Variants in MAP2K5 observed in about 807,000 individuals in gnomAD.
MAP2K5 encodes dual specificity mitogen-activated protein kinase kinase 5.
A neutral mutation model predicts 83.1 loss-of-function variants in MAP2K5; 49 were observed. The ratio of observed to expected loss-of-function variants is 0.59; its 90% CI spans 0.47 to 0.75. MAP2K5 has a LOEUF of 0.75. Ranked by LOEUF, MAP2K5 falls within the 30% of genes least tolerant of loss-of-function variation. The probability of loss-of-function intolerance (pLI) is 0.00; values close to 1 mark genes in which losing one functional copy is unlikely to be tolerated. For missense variants in MAP2K5, 457 were observed against 557.5 expected (o/e 0.82, Z 1.82); for synonymous variants, 202 against 191.8 (o/e 1.05, Z -0.44).
At chr15:67,704,421 C>T (rs1467967359) in intron 16 of MAP2K5, among the ~76,000 whole-genome samples, 2 of 152,242 alleles carry the variant, frequency 1.3e-5, no homozygotes, top group African/African-American at 4.8e-5. Flanking sequence ...GTAGAAAGGA[C>T]TCTTTAAATA....
At chr15:67,618,159 A>G (rs966949885) in intron 8 of MAP2K5, among the ~76,000 whole-genome samples, 17 of 152,242 alleles carry the variant, frequency 1.1e-4, no homozygotes, top group African/African-American at 4.1e-4. Context: ...TAAATAATAT[A>G]ATCAGTTGGA....
chr15:67,723,547 T>A (rs2089019309), intron 16 of MAP2K5, among the ~76,000 whole-genome samples: 1 of 152,200 alleles, frequency 6.6e-6, no homozygotes, highest in African/African-American at 2.4e-5. Flanking sequence ...TGCTAAATCT[T>A]AAGTATTTGG....
chr15:67,739,463 T>TATATATATATATA (rs1223279692), intron 17 of MAP2K5, among the ~76,000 whole-genome samples: 2 of 20,482 alleles, frequency 9.8e-5, no homozygotes, highest in Admixed American at 8.4e-4. Context: ...TATATATATA[T>TATATATATATATA]TTTTTTTTTT....
intron 8 of MAP2K5, among the ~76,000 whole-genome samples, chr15:67,610,170 A>G (rs537992293): frequency 2.6e-5 from 4 of 152,244 alleles, no homozygotes; most frequent in Non-Finnish European, 5.9e-5. Context: ...TTATTTTTGG[A>G]TGTAAGATAT....
At chr15:67,547,077 A>AACACACACACACACACAC (rs59269114) in intron 1 of MAP2K5, among the ~76,000 whole-genome samples, 2,215 of 144,152 alleles carry the variant, frequency 0.015, 44 homozygotes, top group African/African-American at 0.037. Flanking sequence ...AAAAGAAGAA[A>AACACACACACACACACAC]ACACACACAC....
At chr15:67,723,407 C>T (rs1026071178) in intron 16 of MAP2K5, among the ~76,000 whole-genome samples, 2 of 152,086 alleles carry the variant, frequency 1.3e-5, no homozygotes, top group African/African-American at 4.8e-5. Context: ...CACTAAGGAA[C>T]GTCCTGTTTT....
intron 16 of MAP2K5, among the ~76,000 whole-genome samples, chr15:67,706,713 A>G (rs2141220036): frequency 6.6e-6 from 1 of 152,316 alleles, no homozygotes; most frequent in South Asian, 2.1e-4. Context: ...TATTACCCCC[A>G]CACAACATGT....
chr15:67,552,645 CA>C lies in MAP2K5; in HGVS notation c.184+2564del. Among the ~76,000 whole-genome samples the C allele has an allele frequency of 6.6e-6, 1 of 152,140 alleles. No individual in the cohort carries two copies. Among genetic ancestry groups the C allele is most frequent in the East Asian group, 1.9e-4 (1 of 5,194 alleles). The stretch of plus-strand genomic sequence containing the variant: ...AGAAACGGGGTCTTGCTGTGTTGCT[CA>C]GGCTGGTCTTGAACTCCTGGCCTCA... On this transcript the variant is annotated intron_variant, in intron 2 of 21. Coordinates refer to ENST00000178640, the MANE Select transcript of MAP2K5 (RefSeq NM_145160.3). This position sits in a 1 kb window ranked among gnomAD's most constrained non-coding sequence, Gnocchi z 4.2.
rs1254901370 is a variant in MAP2K5, at chr15:67,569,025, AAAAAAAAC to A, written c.252+5680_252+5687del. 3.4e-4 allele frequency among the ~76,000 whole-genome samples: 52 copies of A among 151,730 alleles called. 1 individual carries two copies. The highest frequency in any genetic ancestry group is 1.2e-3 in the African/African-American group (51 of 41,276). ...CATCTCAAAAAAAAAAAAAACAAAA[AAAAAAAAC>A]AAAACTCTGTGGGCGTCTGAAGGTT... On this transcript the variant is annotated intron_variant, in intron 3 of 21. Coordinates refer to ENST00000178640, the MANE Select transcript of MAP2K5 (RefSeq NM_145160.3).
At chr15:67,696,706 A>G (rs903376700) in intron 15 of MAP2K5, among the ~76,000 whole-genome samples, 1 of 151,850 alleles carries the variant, frequency 6.6e-6, no homozygotes, top group African/African-American at 2.4e-5. Flanking sequence ...GGCCAGGCAC[A>G]GTGGCTCATG....
rs954101269 is a variant in MAP2K5, at chr15:67,802,178, A to G, written c.1243-4468A>G. 7.9e-5 allele frequency among the ~76,000 whole-genome samples: 12 copies of G among 152,208 alleles called. No homozygotes were observed. The highest frequency in any genetic ancestry group is 3.9e-4 in the Admixed American group (6 of 15,282). On this transcript the variant is annotated intron_variant, in intron 21 of 21. Coordinates refer to ENST00000178640, the MANE Select transcript of MAP2K5 (RefSeq NM_145160.3). This position sits in a 1 kb window ranked among gnomAD's most constrained non-coding sequence, Gnocchi z 5.0. ...AGCACAGTGGAACATGTGGCCAGGA[A>G]TTAGGGACGTTAGTACAGAGGCAAA...
intron 16 of MAP2K5, among the ~76,000 whole-genome samples, chr15:67,710,772 G>A (rs914696752): frequency 1.3e-5 from 2 of 152,138 alleles, no homozygotes; most frequent in Non-Finnish European, 2.9e-5. Flanking sequence ...CCAAAGTGCT[G>A]GGATTACAGG....
In MAP2K5 at chr15:67,580,886, T is replaced by C. The variant is rs184927563; in HGVS notation, c.322+63T>C. 7 of 1,112,070 alleles carry C rather than the reference T, an allele frequency of 6.3e-6. No homozygotes were observed. In the East Asian group the frequency reaches 1.2e-4, roughly 19 times the overall value. 68.9% of individuals were successfully genotyped at this position (1,112,070 alleles called of 1,614,324 possible). A position where few individuals can be genotyped will look rare whatever the true frequency, so the allele number is the denominator to read the frequency against. On this transcript the variant is annotated intron_variant, in intron 4 of 21. Transcript: ENST00000178640. ...CAGTAAACTGTTTCATCAACAGTTA[T>C]GTTTCCAAAGGTTTAAATGCACATA...
chr15:67,719,792 A>C lies in MAP2K5; in HGVS notation c.1045-8124A>C, dbSNP rs559039907. Reference sequence around the variant, plus strand: ...TCAGTGTTGCATTTTGAGCTATGCAAACATTTGAAGAACATTCATTTTTCA... The same window carrying C: ...TCAGTGTTGCATTTTGAGCTATGCACACATTTGAAGAACATTCATTTTTCA... On this transcript the variant is annotated intron_variant, in intron 16 of 21. Coordinates refer to ENST00000178640, the MANE Select transcript of MAP2K5 (RefSeq NM_145160.3). This position sits in a 1 kb window ranked among gnomAD's most constrained non-coding sequence, Gnocchi z 4.6. 2.6e-5 allele frequency among the ~76,000 whole-genome samples: 4 copies of C among 152,354 alleles called. No individual in the cohort carries two copies. The East Asian group carries it at 7.7e-4, about 29-fold the overall frequency.
rs926655013 is a variant in MAP2K5 at position 67,758,632 on chromosome 15, A to G, written c.1134+10031A>G. ...CACTTTTTTTTTCAAGACCTCAGAA[A>G]TACAAATCCAAAAAGTGACAGAGAA... On this transcript the variant is annotated intron_variant, in intron 19 of 21. Coordinates refer to ENST00000178640, the MANE Select transcript of MAP2K5 (RefSeq NM_145160.3). The surrounding 1 kb of genome is among the most constrained non-coding windows in gnomAD (Gnocchi z 4.7). Among the ~76,000 whole-genome samples, 2 of 152,166 alleles carry G rather than the reference A, an allele frequency of 1.3e-5. No homozygotes were observed. Among genetic ancestry groups the G allele is most frequent in the Non-Finnish European group, 2.9e-5 (2 of 68,034 alleles).
At chr15:67,726,977 T>G (rs1338955800) in intron 16 of MAP2K5, among the ~76,000 whole-genome samples, 1 of 152,124 alleles carries the variant, frequency 6.6e-6, no homozygotes, top group African/African-American at 2.4e-5. Context: ...GCCAGGCAGA[T>G]CACTTGAGGT....
rs1461190274 is a variant in MAP2K5 at position 67,759,802 on chromosome 15, G to C, written c.1135-9800G>C. On this transcript the variant is annotated intron_variant, in intron 19 of 21. Coordinates refer to ENST00000178640, the MANE Select transcript of MAP2K5 (RefSeq NM_145160.3). ...TGCAGACCCACAGTGTCTGACTATA[G>C]TGATTAACTCCAACCACTCCCACAA... 1.3e-5 allele frequency among the ~76,000 whole-genome samples: 2 copies of C among 152,166 alleles called. 1 individual carries two copies. Among genetic ancestry groups the C allele is most frequent in the African/African-American group, 4.8e-5 (2 of 41,436 alleles).
At chr15:67,728,372 C>T (rs887457239) in intron 17 of MAP2K5, among the ~76,000 whole-genome samples, 4 of 151,854 alleles carry the variant, frequency 2.6e-5, no homozygotes, top group Non-Finnish European at 5.9e-5. Context: ...ATATATAGGC[C>T]CCCAATTTTA....
At chr15:67,797,871 C>G (rs1596990810) in intron 21 of MAP2K5, among the ~76,000 whole-genome samples, 1 of 152,078 alleles carries the variant, frequency 6.6e-6, no homozygotes, top group Non-Finnish European at 1.5e-5. Context: ...TTAGTAGAGA[C>G]AGGGTTTCAC....
Sources: gnomAD v4.1 joint callset for allele counts (sites outside exome capture counted in the v4.1 genomes callset) on GRCh38, gnomAD v4.1.1 for gene constraint, Gnocchi (gnomAD v3.1) non-coding constraint, MANE v1.5 for transcripts, NCBI Gene and HGNC (gene_info 2026-07-23, HGNC 2026-07-21) for gene names.